The following TSPAN5 variants were observed in gnomAD, a reference collection of about 807,000 sequenced individuals.
TSPAN5 encodes tetraspanin-5.
Under a neutral mutation model 37.1 loss-of-function variants are expected in TSPAN5, and 10 were observed. The observed-to-expected ratio is 0.27, with a 90% confidence interval of 0.17 to 0.46. TSPAN5 has a LOEUF of 0.46. TSPAN5 is among the 20% of genes least tolerant of loss of function. The pLI is 1.00. For synonymous variants in TSPAN5, 110 were observed against 118.9 expected (o/e 0.93, Z 0.48); for missense variants, 195 against 326.6 (o/e 0.60, Z 3.11).
intron 2 of TSPAN5, among the ~76,000 whole-genome samples, chr4:98,499,139 C>T (rs72893005): frequency 0.12 from 17,907 of 152,198 alleles, 1,247 homozygotes; most frequent in Admixed American, 0.19. Flanking sequence ...GGCACAGGGA[C>T]TCAGCAGGGG....
chr4:98,587,706 G>A (rs1175955283), intron 1 of TSPAN5, among the ~76,000 whole-genome samples: 1 of 152,088 alleles, frequency 6.6e-6, no homozygotes, highest in African/African-American at 2.4e-5. Context: ...TGACCAATAT[G>A]GTGAAACCCT....
chr4:98,499,791 G>T (rs1036601508), intron 2 of TSPAN5, among the ~76,000 whole-genome samples: 6 of 150,762 alleles, frequency 4.0e-5, no homozygotes, highest in Non-Finnish European at 7.4e-5. Context: ...CTCCCAAGTA[G>T]CTGGGACTAC....
rs867131478 is a variant in TSPAN5 at position 98,623,602 on chromosome 4, A to G, written c.81+34544T>C. On this transcript the variant is annotated intron_variant, in intron 1 of 7. Coordinates refer to ENST00000305798, the MANE Select transcript of TSPAN5 (RefSeq NM_005723.4). ...TAATCCTTTCAAGTCTACAATGCAA[A>G]TAATTAAATTTTAACTTTGTAATCA... Among the ~76,000 whole-genome samples, 4 of 152,352 alleles carry G rather than the reference A, an allele frequency of 2.6e-5. No homozygotes were observed. The South Asian group carries it at 8.3e-4, about 32-fold the overall frequency.
chr4:98,487,260 G>A (rs182237382), intron 2 of TSPAN5, among the ~76,000 whole-genome samples: 291 of 145,858 alleles, frequency 2.0e-3, no homozygotes, highest in African/African-American at 6.3e-3. Flanking sequence ...AAAAAGAAAA[G>A]AAGAGCCCAA....
At chr4:98,635,612 C>T (rs897058123) in intron 1 of TSPAN5, among the ~76,000 whole-genome samples, 5 of 152,068 alleles carry the variant, frequency 3.3e-5, no homozygotes, top group African/African-American at 1.2e-4. Flanking sequence ...TGCTGTGAAT[C>T]AAAGACCATC....
chr4:98,544,053 G>A (rs568062371), intron 1 of TSPAN5, among the ~76,000 whole-genome samples: 67 of 152,130 alleles, frequency 4.4e-4, no homozygotes, highest in Admixed American at 2.0e-3. Context: ...GGTAGTGCAC[G>A]CCTGTAGTCC....
intron 1 of TSPAN5, among the ~76,000 whole-genome samples, chr4:98,555,067 A>G (rs974789272): frequency 1.3e-5 from 2 of 152,190 alleles, no homozygotes; most frequent in Non-Finnish European, 2.9e-5. Context: ...AAATGTGAAC[A>G]CAAGAGAGCT....
chr4:98,514,952 C>T (rs1318866426), intron 1 of TSPAN5, among the ~76,000 whole-genome samples: 9 of 152,208 alleles, frequency 5.9e-5, no homozygotes, highest in African/African-American at 2.2e-4. Flanking sequence ...ATCAGTGTCA[C>T]GGGCTTGTCA....
At chr4:98,532,928 C>T (rs1408195613) in intron 1 of TSPAN5, among the ~76,000 whole-genome samples, 2 of 152,206 alleles carry the variant, frequency 1.3e-5, no homozygotes, top group Non-Finnish European at 2.9e-5. Flanking sequence ...AAGGCCTTTT[C>T]TGCATCTATT....
intron 1 of TSPAN5, among the ~76,000 whole-genome samples, chr4:98,554,462 A>G (rs1384678117): frequency 6.6e-6 from 1 of 152,236 alleles, no homozygotes; most frequent in Non-Finnish European, 1.5e-5. Flanking sequence ...TTACAAATCC[A>G]TAATCTAACG....
At chr4:98,638,079 C>G (rs1228489166) in intron 1 of TSPAN5, among the ~76,000 whole-genome samples, 1 of 152,158 alleles carries the variant, frequency 6.6e-6, no homozygotes, top group Non-Finnish European at 1.5e-5. Context: ...GGCCAGATGT[C>G]TGACCACCCT....
In TSPAN5 at chr4:98,658,494, A is replaced by T. The variant is rs573602078; in HGVS notation, c.-268T>A. 4.2e-6 allele frequency: 1 copy of T among 235,830 alleles called. No homozygotes were observed. The highest frequency in any genetic ancestry group is 8.1e-6 in the Non-Finnish European group (1 of 123,508). The allele number at this position is 235,830 out of a possible 1,614,324, so 14.6% of individuals were successfully genotyped here. On this transcript the variant is annotated 5_prime_UTR_variant, in exon 1 of 8. Coordinates refer to ENST00000305798, the MANE Select transcript of TSPAN5 (RefSeq NM_005723.4). ...TGCAAGCTCAAGCCTCGCCGACGCT[A>T]GCCCCGAACACAAAGCGAGCGCCCG...
intron 1 of TSPAN5, among the ~76,000 whole-genome samples, chr4:98,531,723 T>TCCTCTC (rs1431301593): frequency 6.6e-6 from 1 of 152,126 alleles, no homozygotes; most frequent in East Asian, 1.9e-4. Context: ...CTCTCCAGCA[T>TCCTCTC]CTGTTGTTTC....
At chr4:98,601,111 C>T (rs889511645) in intron 1 of TSPAN5, among the ~76,000 whole-genome samples, 3 of 152,180 alleles carry the variant, frequency 2.0e-5, no homozygotes, top group African/African-American at 7.2e-5. Context: ...ATTCAGTAAA[C>T]CAGGCTATAA....
chr4:98,566,852 C>G (rs1755014681), intron 1 of TSPAN5, among the ~76,000 whole-genome samples: 1 of 152,210 alleles, frequency 6.6e-6, no homozygotes, highest in Non-Finnish European at 1.5e-5. Flanking sequence ...ACAGGAGATT[C>G]AAACCCCAAC....
At chr4:98,656,826 G>A (rs968885232) in intron 1 of TSPAN5, among the ~76,000 whole-genome samples, 1 of 152,082 alleles carries the variant, frequency 6.6e-6, no homozygotes, top group African/African-American at 2.4e-5. Context: ...AAATAACCTG[G>A]TAAGAGTGCG....
chr4:98,484,209 T>G, intron 3 of TSPAN5: 1 of 318,690 alleles, frequency 3.1e-6, no homozygotes, highest in East Asian at 7.9e-5. Flanking sequence ...TTGAGCTAAT[T>G]TCCTCTATTT....
chr4:98,579,709 G>A (rs1035471395), intron 1 of TSPAN5, among the ~76,000 whole-genome samples: 2 of 152,192 alleles, frequency 1.3e-5, no homozygotes, highest in Non-Finnish European at 2.9e-5. Context: ...CTTTTCAAGA[G>A]TTTCTCTAAT....
intron 1 of TSPAN5, among the ~76,000 whole-genome samples, chr4:98,611,476 C>T (rs915245031): frequency 8.5e-5 from 13 of 152,152 alleles, no homozygotes; most frequent in African/African-American, 3.1e-4. Context: ...ATCTGCCATA[C>T]CAGAATATTA....
Sources: allele counts gnomAD v4.1 joint callset (sites outside exome capture counted in the v4.1 genomes callset), GRCh38; gene constraint gnomAD v4.1.1; transcripts MANE v1.5; gene names NCBI Gene and HGNC (gene_info 2026-07-23, HGNC 2026-07-21).